TFCP2: variants seen among roughly 807,000 people sequenced by gnomAD.
TFCP2 encodes transcription factor CP2, also known as alpha-globin transcription factor CP2.
A neutral mutation model predicts 73.4 loss-of-function variants in TFCP2; 33 were observed. That is an observed-to-expected ratio of 0.45 (90% CI 0.34 to 0.60). The LOEUF is 0.60. Ranked by LOEUF, TFCP2 falls within the 20% of genes least tolerant of loss-of-function variation. The pLI, the probability that TFCP2 is intolerant of heterozygous loss-of-function variation, is 0.01. For missense variants in TFCP2, 352 were observed against 604.0 expected (o/e 0.58, Z 4.37); for synonymous variants, 193 against 211.6 (o/e 0.91, Z 0.76).
chr12:51,131,918 T>A (rs1940952163), intron 1 of TFCP2, among the ~76,000 whole-genome samples: 1 of 152,254 alleles, frequency 6.6e-6, no homozygotes, highest in Non-Finnish European at 1.5e-5. Flanking sequence ...ACTACTTATT[T>A]AAACACAAAG....
chr12:51,102,170 C>A, intron 10 of TFCP2, 145 bp from the exon 11 acceptor site: 1 of 611,974 alleles, frequency 1.6e-6, no homozygotes, highest in Non-Finnish European at 2.9e-6. Flanking sequence ...CCCTTCATGA[C>A]CTGGCTCCTA....
chr12:51,163,409 G>A (rs939972630), intron 1 of TFCP2, among the ~76,000 whole-genome samples: 12 of 152,124 alleles, frequency 7.9e-5, no homozygotes, highest in African/African-American at 2.9e-4. Flanking sequence ...GACCAATGTG[G>A]CAAAACCCTG....
At chr12:51,120,787 T>C (rs1217489739) in intron 1 of TFCP2, among the ~76,000 whole-genome samples, 2 of 150,984 alleles carry the variant, frequency 1.3e-5, no homozygotes, top group African/African-American at 2.4e-5. Flanking sequence ...ATACAAAAAT[T>C]AGATGGGTGT....
chr12:51,139,028 C>T (rs1941128927), intron 1 of TFCP2, among the ~76,000 whole-genome samples: 1 of 152,140 alleles, frequency 6.6e-6, no homozygotes, highest in Non-Finnish European at 1.5e-5. Flanking sequence ...ATGATGCAAT[C>T]AAAGCAGAAA....
rs117069951 is a variant in TFCP2, at chr12:51,168,976, A to G, written c.122+3325T>C. 1.0e-3 allele frequency among the ~76,000 whole-genome samples: 155 copies of G among 151,538 alleles called. 2 individuals carry two copies. The East Asian group carries it at 0.029, about 29-fold the overall frequency. On this transcript the variant is annotated intron_variant, in intron 1 of 14. Transcript: ENST00000257915. Reference sequence around the variant, plus strand: ...ACCACCACGCCCAACTAATTTTTGTATTGTTGGTAGAGACAGGGTTTCACC... The same window carrying G: ...ACCACCACGCCCAACTAATTTTTGTGTTGTTGGTAGAGACAGGGTTTCACC...
chr12:51,142,054 T>C (rs1202978890), intron 1 of TFCP2, among the ~76,000 whole-genome samples: 1 of 150,628 alleles, frequency 6.6e-6, no homozygotes, highest in Non-Finnish European at 1.5e-5. Flanking sequence ...AATACAAAAA[T>C]TAGCCAGGCG....
rs148235586 is a variant in TFCP2 at position 51,145,297 on chromosome 12, G to C, written c.123-26525C>G. On this transcript the variant is annotated intron_variant, in intron 1 of 14. Coordinates refer to ENST00000257915, the MANE Select transcript of TFCP2 (RefSeq NM_005653.5). The stretch of plus-strand genomic sequence containing the variant: ...CCTGGGAGGCTGAAGCAGGAGAATC[G>C]CTTGAACCTGGGGGGTGGAAGTTGC... Among the ~76,000 whole-genome samples the C allele has an allele frequency of 9.7e-3, 1,460 of 151,096 alleles. 26 individuals carry two copies. Among genetic ancestry groups the C allele is most frequent in the African/African-American group, 0.033 (1,373 of 41,098 alleles).
intron 1 of TFCP2, among the ~76,000 whole-genome samples, chr12:51,163,955 A>G (rs1052868928): frequency 2.6e-5 from 4 of 152,064 alleles, no homozygotes; most frequent in African/African-American, 9.7e-5. Context: ...CTGTAATCCC[A>G]GCGCTTTGGG....
intron 1 of TFCP2, among the ~76,000 whole-genome samples, chr12:51,129,440 G>A (rs1940890904): frequency 6.6e-6 from 1 of 150,764 alleles, no homozygotes; most frequent in Non-Finnish European, 1.5e-5. Flanking sequence ...TTGAACCCAG[G>A]AGGCGGAGGT....
chr12:51,100,676 G>A lies in TFCP2; in HGVS notation c.1152-897C>T, dbSNP rs1187184464. 5.3e-5 allele frequency among the ~76,000 whole-genome samples: 8 copies of A among 152,284 alleles called. 1 individual carries two copies. The South Asian group carries it at 1.0e-3, about 20-fold the overall frequency. The stretch of plus-strand genomic sequence containing the variant: ...ACAAAAAGTACAAAATTAGGCGGGC[G>A]TGGTGGTGCGTGCCTGTAGTCCCAG... On this transcript the variant is annotated intron_variant, in intron 11 of 14. Coordinates refer to ENST00000257915, the MANE Select transcript of TFCP2 (RefSeq NM_005653.5).
rs186776515 is a variant in TFCP2 at position 51,121,819 on chromosome 12, T to C, written c.123-3047A>G. The stretch of plus-strand genomic sequence containing the variant: ...TCAAAATGAAATACATTGAAATCTT[T>C]ACCTATAATTTAAATATTAAGCTTC... On this transcript the variant is annotated intron_variant, in intron 1 of 14. Coordinates refer to ENST00000257915, the MANE Select transcript of TFCP2 (RefSeq NM_005653.5). Among the ~76,000 whole-genome samples, 384 of 152,258 alleles carry C rather than the reference T, an allele frequency of 2.5e-3. 1 individual carries two copies. Among genetic ancestry groups the C allele is most frequent in the African/African-American group, 8.7e-3 (361 of 41,558 alleles).
Position 51,094,322 on chromosome 12 carries a change from G to C in TFCP2, c.*919C>G, listed in dbSNP as rs1324006513. ...TATGTGTTCATTTCTTGTAGGTCTT[G>C]ATTTGTTCATCATTATTTAGGTGTG... is the stretch of plus-strand genomic sequence containing the variant. On this transcript the variant is annotated 3_prime_UTR_variant, in exon 15 of 15. Coordinates refer to ENST00000257915, the MANE Select transcript of TFCP2 (RefSeq NM_005653.5). The C allele has an allele frequency of 6.6e-6, 1 of 152,164 alleles. No individual in the cohort carries two copies. The highest frequency in any genetic ancestry group is 2.4e-5 in the African/African-American group (1 of 41,420). 9.4% of individuals were successfully genotyped at this position (152,164 alleles called of 1,614,324 possible). A position where few individuals can be genotyped will look rare whatever the true frequency, so the allele number is the denominator to read the frequency against.
At chr12:51,153,090 A>G (rs1439882547) in intron 1 of TFCP2, among the ~76,000 whole-genome samples, 1 of 152,226 alleles carries the variant, frequency 6.6e-6, no homozygotes, top group Non-Finnish European at 1.5e-5. Flanking sequence ...TACATAATAC[A>G]GTGTTGGCTG....
At position 51,172,567 on chromosome 12, in the gene TFCP2, C is replaced by T. The variant is rs11169735; in HGVS notation, c.-145G>A. 0.13 allele frequency: 135,343 copies of T among 1,038,236 alleles called. 9,878 individuals carry two copies. The highest frequency in any genetic ancestry group is 0.27 in the Admixed American group (11,111 of 41,224). The allele number at this position is 1,038,236 out of a possible 1,614,324, so 64.3% of individuals were successfully genotyped here. On this transcript the variant is annotated 5_prime_UTR_variant, in exon 1 of 15. Transcript: ENST00000257915. ...CCCACCAGCCACCCCCAAGCCCGAC[C>T]AGCACTGCTCTGTGCACAACTAATC...
intron 6 of TFCP2, among the ~76,000 whole-genome samples, chr12:51,108,262 G>T (rs138714574): frequency 0.01 from 1,556 of 151,826 alleles, 14 homozygotes; most frequent in Middle Eastern, 0.02. Flanking sequence ...TTCCAGCCTG[G>T]GTGACAGAGT....
In TFCP2 at chr12:51,118,869, A is replaced by C; in HGVS notation, c.123-97T>G. 4 of 1,369,062 alleles carry C rather than the reference A, an allele frequency of 2.9e-6. No individual in the cohort carries two copies. In the South Asian group the frequency reaches 5.2e-5, roughly 18 times the overall value. The allele number at this position is 1,369,062 out of a possible 1,614,324, so 84.8% of individuals were successfully genotyped here. A position where few individuals can be genotyped will look rare whatever the true frequency, so the allele number is the denominator to read the frequency against. On this transcript the variant is annotated intron_variant, in intron 1 of 14. Coordinates refer to ENST00000257915, the MANE Select transcript of TFCP2 (RefSeq NM_005653.5). The stretch of plus-strand genomic sequence containing the variant: ...AACTGCAATGCTTTGGAAAGCCATA[A>C]ACATTACTCACCTTGGTGGAGTTTC...
chr12:51,134,126 T>G (rs949520413), intron 1 of TFCP2, among the ~76,000 whole-genome samples: 1 of 152,174 alleles, frequency 6.6e-6, no homozygotes, highest in African/African-American at 2.4e-5. Context: ...CTCCATCTTG[T>G]CACATGTTCT....
chr12:51,159,254 A>G (rs1941602093), intron 1 of TFCP2, among the ~76,000 whole-genome samples: 1 of 152,038 alleles, frequency 6.6e-6, no homozygotes, highest in African/African-American at 2.4e-5. Context: ...GGAATTTGCA[A>G]CAAAGTGGTG....
chr12:51,146,783 T>C (rs1267808129), intron 1 of TFCP2, among the ~76,000 whole-genome samples: 1 of 152,226 alleles, frequency 6.6e-6, no homozygotes, highest in Admixed American at 6.5e-5. Context: ...CTATAGCACT[T>C]CAAGTGCTTT....
Sources: allele counts gnomAD v4.1 joint callset (sites outside exome capture counted in the v4.1 genomes callset), GRCh38; gene constraint gnomAD v4.1.1; transcripts MANE v1.5; gene names NCBI Gene and HGNC (gene_info 2026-07-23, HGNC 2026-07-21).